The following PHF21A variants were observed in gnomAD, a reference collection of about 807,000 sequenced individuals.
The protein encoded by PHF21A is PHD finger protein 21A.
In PHF21A, 11 loss-of-function variants were observed where a neutral mutation model predicts 82.5. The ratio of observed to expected loss-of-function variants is 0.13; its 90% CI spans 0.08 to 0.22. PHF21A has a LOEUF of 0.22. PHF21A is among the 10% of genes least tolerant of loss of function. PHF21A has a pLI of 1.00. For synonymous variants in PHF21A, 297 were observed against 302.8 expected (o/e 0.98, Z 0.20); for missense variants, 579 against 837.8 (o/e 0.69, Z 3.81).
At chr11:45,989,742 T>C (rs940837240) in intron 6 of PHF21A, among the ~76,000 whole-genome samples, 3 of 152,020 alleles carry the variant, frequency 2.0e-5, no homozygotes, top group African/African-American at 7.2e-5. Flanking sequence ...CTCATGCCTA[T>C]AATTCCAGCA....
At chr11:45,957,346 G>T (rs1340096644) in intron 10 of PHF21A, among the ~76,000 whole-genome samples, 2 of 152,048 alleles carry the variant, frequency 1.3e-5, no homozygotes, top group Non-Finnish European at 2.9e-5. Flanking sequence ...TTTATCAAGT[G>T]TACATGAAAC....
At chr11:46,023,233 T>C (rs760874583) in intron 6 of PHF21A, among the ~76,000 whole-genome samples, 10 of 152,150 alleles carry the variant, frequency 6.6e-5, no homozygotes, top group East Asian at 1.9e-4. Context: ...GTGTAAGCAA[T>C]GGTTTCTTAG....
At chr11:46,055,365 C>T (rs1331586188) in intron 6 of PHF21A, among the ~76,000 whole-genome samples, 2 of 152,046 alleles carry the variant, frequency 1.3e-5, no homozygotes, top group Non-Finnish European at 1.5e-5. Flanking sequence ...ATGGCAGAAA[C>T]AAGTTTGGAA....
rs369021883 is a variant in PHF21A at position 46,086,133 on chromosome 11, T to C, written c.-83-1831A>G. On this transcript the variant is annotated intron_variant, in intron 3 of 18. Coordinates refer to ENST00000676320, the MANE Select transcript of PHF21A (RefSeq NM_001352027.3). ...AGTTTTAGCTACTATCTTTTTTTTT[T>C]TTTGAGAAAGAGTCTCGCTCTGTCG... Among the ~76,000 whole-genome samples, 25 of 152,044 alleles carry C rather than the reference T, an allele frequency of 1.6e-4. No homozygotes were observed. In the East Asian group the frequency reaches 4.2e-3, roughly 26 times the overall value.
chr11:46,058,906 A>C (rs1290328009), intron 6 of PHF21A, among the ~76,000 whole-genome samples: 2 of 152,216 alleles, frequency 1.3e-5, no homozygotes, highest in East Asian at 1.9e-4. Context: ...GAAGCTGAGA[A>C]AGTCAATCTC....
chr11:46,032,157 T>C (rs910366323), intron 6 of PHF21A, among the ~76,000 whole-genome samples: 3 of 152,164 alleles, frequency 2.0e-5, no homozygotes, highest in African/African-American at 7.2e-5. Flanking sequence ...TTAGTTAGGA[T>C]CACCCTGCTA....
chr11:46,113,990 C>T (rs1241667675), intron 1 of PHF21A, among the ~76,000 whole-genome samples: 1 of 151,952 alleles, frequency 6.6e-6, no homozygotes, highest in African/African-American at 2.4e-5. Flanking sequence ...AATACGCACA[C>T]ACCCCATCAC....
intron 6 of PHF21A, among the ~76,000 whole-genome samples, chr11:46,002,525 GA>G (rs1323412054): frequency 2.0e-5 from 3 of 150,738 alleles, no homozygotes; most frequent in Non-Finnish European, 4.4e-5. Flanking sequence ...CTATTTGGGG[GA>G]AAAAAAAAGG....
At chr11:46,086,409 G>A (rs1053972429) in intron 3 of PHF21A, among the ~76,000 whole-genome samples, 3 of 152,100 alleles carry the variant, frequency 2.0e-5, no homozygotes, top group Non-Finnish European at 2.9e-5. Context: ...ATGAGCCACC[G>A]CACCCAGCCA....
intron 14 of PHF21A, among the ~76,000 whole-genome samples, chr11:45,947,502 G>A (rs1486195801): frequency 1.7e-4 from 26 of 152,114 alleles, no homozygotes; most frequent in Admixed American, 9.8e-4. Flanking sequence ...AAGACAGATC[G>A]TACTGGTTTA....
chr11:46,024,748 C>T (rs1041356833), intron 6 of PHF21A, among the ~76,000 whole-genome samples: 5 of 152,016 alleles, frequency 3.3e-5, no homozygotes, highest in African/African-American at 1.2e-4. Context: ...TGCAGTGAGC[C>T]AAGATTGTGC....
At chr11:46,028,718 C>T (rs1215562304) in intron 6 of PHF21A, among the ~76,000 whole-genome samples, 3 of 152,010 alleles carry the variant, frequency 2.0e-5, no homozygotes, top group Non-Finnish European at 2.9e-5. Flanking sequence ...GGATTACAGG[C>T]GCCCGCCACC....
At chr11:46,076,405 A>G (rs145226218) in intron 6 of PHF21A, among the ~76,000 whole-genome samples, 10 of 152,324 alleles carry the variant, frequency 6.6e-5, no homozygotes, top group Admixed American at 2.0e-4. Flanking sequence ...TAAGACAGGT[A>G]ACAAGGTACA....
chr11:45,964,052 C>T (rs937964201), intron 10 of PHF21A, among the ~76,000 whole-genome samples: 1 of 151,742 alleles, frequency 6.6e-6, no homozygotes, highest in Non-Finnish European at 1.5e-5. Context: ...ACAAAATTAG[C>T]CAGGCATGGT....
intron 6 of PHF21A, among the ~76,000 whole-genome samples, chr11:45,981,093 A>T (rs943801632): frequency 6.6e-6 from 1 of 152,090 alleles, no homozygotes; most frequent in Non-Finnish European, 1.5e-5. Flanking sequence ...TGCACTTATA[A>T]CTATATTGCT....
chr11:46,034,217 C>T (rs1325109306), intron 6 of PHF21A, among the ~76,000 whole-genome samples: 2 of 146,812 alleles, frequency 1.4e-5, no homozygotes, highest in African/African-American at 5.0e-5. Flanking sequence ...ATATTAGTGC[C>T]CCCACCCCCC....
intron 7 of PHF21A, among the ~76,000 whole-genome samples, chr11:45,973,750 C>T (rs11038731): frequency 1.3e-5 from 2 of 152,062 alleles, no homozygotes; most frequent in African/African-American, 2.4e-5. Flanking sequence ...TAAAACATGT[C>T]GATTTAAAGA....
chr11:46,090,041 C>T (rs1273522639), intron 3 of PHF21A, among the ~76,000 whole-genome samples: 1 of 151,656 alleles, frequency 6.6e-6, no homozygotes, highest in Non-Finnish European at 1.5e-5. Flanking sequence ...ACACATTCTT[C>T]TATTTCCTAA....
chr11:46,030,836 T>TGTGC, intron 6 of PHF21A, among the ~76,000 whole-genome samples: 1 of 68,696 alleles, frequency 1.5e-5, no homozygotes, highest in Non-Finnish European at 2.6e-5. Context: ...TGTGCGTGTG[T>TGTGC]GTGTGTGTGT....
Sources: gnomAD v4.1 joint callset for allele counts (sites outside exome capture counted in the v4.1 genomes callset) on GRCh38, gnomAD v4.1.1 for gene constraint, MANE v1.5 for transcripts, NCBI Gene and HGNC (gene_info 2026-07-23, HGNC 2026-07-21) for gene names.